Variants in GSE1 observed in about 807,000 individuals in gnomAD.
GSE1 encodes the protein genetic suppressor element 1.
In GSE1, 32 loss-of-function variants were observed where a neutral mutation model predicts 112.6. The observed-to-expected ratio is 0.28, with a 90% CI of 0.21 to 0.38. GSE1 has a LOEUF of 0.38. Ranked by LOEUF, GSE1 falls within the 10% of genes least tolerant of loss-of-function variation. GSE1 has a pLI of 1.00. For missense variants in GSE1, 2,348 were observed against 1,699.2 expected, an observed-to-expected ratio of 1.38 and a Z score of -6.71; for synonymous variants, 1,115 against 735.6, an observed-to-expected ratio of 1.52 and a Z score of -8.35.
chr16:85,499,520 A>G (rs1234392336), intron 2 of GSE1, among the ~76,000 whole-genome samples: 1 of 151,646 alleles, frequency 6.6e-6, no homozygotes, highest in African/African-American at 2.4e-5. Context: ...CCGTGTTAGG[A>G]TGGTCTCGAT....
intron 1 of GSE1, among the ~76,000 whole-genome samples, chr16:85,221,217 C>CG (rs959327380): frequency 1.3e-5 from 2 of 151,872 alleles, no homozygotes; most frequent in African/African-American, 4.8e-5. Context: ...GCTGGGCGGG[C>CG]GGGGGGCCGG....
At chr16:85,639,259 G>C (rs1045513271) in intron 2 of GSE1, among the ~76,000 whole-genome samples, 12 of 152,208 alleles carry the variant, frequency 7.9e-5, no homozygotes, top group Admixed American at 1.3e-4. Context: ...CAGACTCCTC[G>C]GGTGGCACCG....
chr16:85,346,814 A>G (rs1291164366), intron 1 of GSE1, among the ~76,000 whole-genome samples: 4 of 143,578 alleles, frequency 2.8e-5, no homozygotes, highest in African/African-American at 7.8e-5. Flanking sequence ...TGAGTGGTAG[A>G]TGGTGGATGG....
chr16:85,388,720 A>G (rs1192543874), intron 2 of GSE1, among the ~76,000 whole-genome samples: 1 of 151,908 alleles, frequency 6.6e-6, no homozygotes, highest in Non-Finnish European at 1.5e-5. Flanking sequence ...GGATGAGTGG[A>G]TAGATGGGTG....
At chr16:85,609,340 C>T (rs180864549), upstream of GSE1, among the ~76,000 whole-genome samples, 14 of 152,356 alleles carry the variant, frequency 9.2e-5, no homozygotes, top group East Asian at 1.7e-3. Flanking sequence ...CCCAAATGAT[C>T]CTCCTGCCTC....
upstream of GSE1, among the ~76,000 whole-genome samples, chr16:85,554,134 G>A (rs375692982): frequency 3.4e-4 from 51 of 152,160 alleles, no homozygotes; most frequent in South Asian, 0.011. Context: ...CACATCAAGA[G>A]GCAGCTTTGC....
At chr16:85,663,276 A>G in intron 10 of GSE1, 68 bp from the exon 11 acceptor site, 1 of 1,541,252 alleles carries the variant, frequency 6.5e-7, no homozygotes, top group Admixed American at 1.7e-5. Flanking sequence ...CCAGGAGGGG[A>G]CCCCGGGACA....
intron 2 of GSE1, among the ~76,000 whole-genome samples, chr16:85,499,009 C>T (rs1023142141): frequency 3.3e-4 from 51 of 152,332 alleles, no homozygotes; most frequent in African/African-American, 1.2e-3. Context: ...GCTAGGGCCA[C>T]CATGGGACCT....
At chr16:85,504,909 A>T (rs1281070397) in intron 2 of GSE1, among the ~76,000 whole-genome samples, 5 of 152,162 alleles carry the variant, frequency 3.3e-5, no homozygotes, top group Admixed American at 3.3e-4. Flanking sequence ...TGAATAATTT[A>T]TAGGAAGATG....
intron 1 of GSE1, among the ~76,000 whole-genome samples, chr16:85,237,769 C>T (rs548398081): frequency 1.3e-5 from 2 of 150,222 alleles, no homozygotes; most frequent in Non-Finnish European, 3.0e-5. Flanking sequence ...ACCCAGGAGG[C>T]GGAGCTTGTA....
chr16:85,358,631 C>G (rs1484718043), intron 2 of GSE1, among the ~76,000 whole-genome samples: 1 of 152,176 alleles, frequency 6.6e-6, no homozygotes, highest in Non-Finnish European at 1.5e-5. Context: ...GATCTGGGAC[C>G]TCCATCTGCA....
At chr16:85,323,483 G>T (rs553177178) in intron 1 of GSE1, among the ~76,000 whole-genome samples, 1 of 152,196 alleles carries the variant, frequency 6.6e-6, no homozygotes, top group African/African-American at 2.4e-5. Context: ...GAGACAGGGC[G>T]TCTGGGGGGA....
intron 2 of GSE1, among the ~76,000 whole-genome samples, chr16:85,430,776 C>T (rs1012892447): frequency 2.6e-5 from 4 of 152,326 alleles, no homozygotes; most frequent in East Asian, 1.9e-4. Flanking sequence ...ATGACCTGCC[C>T]GCCTCCATCA....
Position 85,419,479 on chromosome 16 carries a change from A to G in GSE1, c.2464+61836A>G, listed in dbSNP as rs752643201. On this transcript the variant is annotated intron_variant, in intron 2 of 2. Coordinates refer to the GSE1 transcript ENST00000637419. This position sits in a 1 kb window ranked among gnomAD's most constrained non-coding sequence, Gnocchi z 6.5. Reference sequence around the variant, plus strand: ...AAGTTAGCCAGGCGTGGTGGTGCACATCTGTGGTCCTAGCTACTCGGGAGG... The same window carrying G: ...AAGTTAGCCAGGCGTGGTGGTGCACGTCTGTGGTCCTAGCTACTCGGGAGG... Among the ~76,000 whole-genome samples, 1 of 151,862 alleles carries G rather than the reference A, an allele frequency of 6.6e-6. No homozygotes were observed. The highest frequency in any genetic ancestry group is 1.5e-5 in the Non-Finnish European group (1 of 67,948).
At chr16:85,367,944 G>T (rs1266622501) in intron 2 of GSE1, among the ~76,000 whole-genome samples, 1 of 149,912 alleles carries the variant, frequency 6.7e-6, no homozygotes, top group Non-Finnish European at 1.5e-5. Context: ...CTGCCTCCTG[G>T]GTTCAAGTGA....
intron 1 of GSE1, among the ~76,000 whole-genome samples, chr16:85,260,969 C>A (rs1907625710): frequency 6.6e-6 from 1 of 152,226 alleles, no homozygotes; most frequent in African/African-American, 2.4e-5. Flanking sequence ...TTTGGAAAGG[C>A]CCGGCCTGGC....
chr16:85,661,033 C>T (rs1275427798), intron 8 of GSE1, 113 bp from the exon 9 acceptor site: 1 of 976,974 alleles, frequency 1.0e-6, no homozygotes, highest in South Asian at 1.6e-5. Context: ...GGCACTGGCT[C>T]TCTAAGGGGC....
chr16:85,281,238 T>G (rs2044849736), intron 1 of GSE1, among the ~76,000 whole-genome samples: 1 of 152,080 alleles, frequency 6.6e-6, no homozygotes, highest in South Asian at 2.1e-4. Context: ...CCCTGTGGCT[T>G]GTCCCAGGTC....
At chr16:85,175,809 C>T (rs772176165) in intron 1 of GSE1, among the ~76,000 whole-genome samples, 31 of 152,134 alleles carry the variant, frequency 2.0e-4, no homozygotes, top group Admixed American at 8.5e-4. Context: ...ACTGAAGCCT[C>T]GCCGCAGCCC....
Sources: gnomAD v4.1 joint callset for allele counts (sites outside exome capture counted in the v4.1 genomes callset) on GRCh38, gnomAD v4.1.1 for gene constraint, Gnocchi (gnomAD v3.1) non-coding constraint, MANE v1.5 for transcripts, NCBI Gene and HGNC (gene_info 2026-07-23, HGNC 2026-07-21) for gene names.